The following MYT1L variants were observed in gnomAD, a reference collection of about 807,000 sequenced individuals.
The protein encoded by MYT1L is myelin transcription factor 1 like, also known as myelin transcription factor 1-like protein.
MYT1L carries 12 observed loss-of-function variants against 126.7 expected under a neutral mutation model. The ratio of observed to expected loss-of-function variants is 0.09; its 90% CI spans 0.06 to 0.15. The LOEUF is 0.15. Among genes scored for constraint, MYT1L ranks in the 10% least tolerant of loss-of-function variants. MYT1L has a pLI of 1.00. For synonymous variants in MYT1L, 541 were observed against 604.2 expected (o/e 0.90, Z 1.53); for missense variants, 979 against 1,585.2 (o/e 0.62, Z 6.49).
intron 4 of MYT1L, among the ~76,000 whole-genome samples, chr2:2,033,745 G>T (rs546982232): frequency 1.7e-4 from 26 of 152,284 alleles, no homozygotes; most frequent in Non-Finnish European, 2.9e-4. Flanking sequence ...ATCCCCAGCT[G>T]TTTTGTCCCC....
At chr2:2,202,581 G>T (rs1424528137) in intron 2 of MYT1L, among the ~76,000 whole-genome samples, 1 of 152,108 alleles carries the variant, frequency 6.6e-6, no homozygotes, top group Non-Finnish European at 1.5e-5. Flanking sequence ...GGAAGAAGTT[G>T]AATCTCTGAA....
intron 4 of MYT1L, among the ~76,000 whole-genome samples, chr2:2,034,063 T>G (rs1269714723): frequency 6.6e-6 from 1 of 152,172 alleles, no homozygotes; most frequent in Non-Finnish European, 1.5e-5. Flanking sequence ...CCAGACTAAG[T>G]AGCTTCGTTA....
At chr2:1,824,338 C>T (rs2038997988) in intron 21 of MYT1L, 1 of 152,250 alleles carries the variant, frequency 6.6e-6, no homozygotes, top group South Asian at 2.1e-4. Flanking sequence ...GGTGCTCTGT[C>T]CTCTGGGAAA....
intron 21 of MYT1L, chr2:1,825,722 G>A (rs2039217731): frequency 1.3e-5 from 2 of 152,144 alleles, no homozygotes; most frequent in South Asian, 2.1e-4. Context: ...AATTATAACA[G>A]GCTAAGTTTC....
chr2:2,178,180 T>C (rs907826410), intron 2 of MYT1L, among the ~76,000 whole-genome samples: 5 of 152,166 alleles, frequency 3.3e-5, no homozygotes, highest in Admixed American at 6.5e-5. Flanking sequence ...GATTTATCTA[T>C]TAGTATTTTC....
rs968964308 is a variant in MYT1L, at chr2:1,965,525, C to T, written c.152+13640G>A. ...CACTCTGTGACTTGCAAAAGATGAACGCTTTGTTTGGAGGAACCTGGAGTT... is the reference window on the plus strand; with the variant it reads ...CACTCTGTGACTTGCAAAAGATGAATGCTTTGTTTGGAGGAACCTGGAGTT... On this transcript the variant is annotated intron_variant, in intron 8 of 24. Transcript: ENST00000647738. 2.4e-4 allele frequency among the ~76,000 whole-genome samples: 36 copies of T among 152,350 alleles called. 1 individual carries two copies. Among genetic ancestry groups the T allele is most frequent in the Admixed American group, 1.4e-3 (21 of 15,308 alleles).
intron 21 of MYT1L, among the ~76,000 whole-genome samples, chr2:1,823,509 G>GC (rs2038857493): frequency 6.6e-6 from 1 of 152,222 alleles, no homozygotes; most frequent in Admixed American, 6.5e-5. Context: ...CCTCTGAGCA[G>GC]CTCCCCCAGG....
intron 3 of MYT1L, among the ~76,000 whole-genome samples, chr2:2,129,511 C>G (rs2082096590): frequency 6.6e-6 from 1 of 152,160 alleles, no homozygotes; most frequent in Non-Finnish European, 1.5e-5. Flanking sequence ...AGGCAGCTGT[C>G]CCCCCAGAGT....
chr2:2,295,194 T>G (rs1386423962), intron 1 of MYT1L, among the ~76,000 whole-genome samples: 3 of 152,074 alleles, frequency 2.0e-5, no homozygotes. Context: ...GGAGCCAGGA[T>G]CAGAGCTCTG....
intron 8 of MYT1L, among the ~76,000 whole-genome samples, chr2:1,970,789 C>G (rs969619469): frequency 3.9e-5 from 6 of 152,190 alleles, no homozygotes; most frequent in Non-Finnish European, 5.9e-5. Context: ...CAGACAACAG[C>G]TGTACTGCAC....
At chr2:2,162,854 C>T (rs1329135672) in intron 3 of MYT1L, among the ~76,000 whole-genome samples, 1 of 152,204 alleles carries the variant, frequency 6.6e-6, no homozygotes, top group African/African-American at 2.4e-5. Flanking sequence ...TTCTCTTGCT[C>T]TCAGGTGGCT....
chr2:1,892,885 C>T (rs570182618), intron 14 of MYT1L, among the ~76,000 whole-genome samples: 4 of 152,176 alleles, frequency 2.6e-5, no homozygotes, highest in Non-Finnish European at 5.9e-5. Context: ...GCATGCAGAC[C>T]AGATAGGGTG....
At chr2:1,980,907 T>C (rs1011502763) in intron 5 of MYT1L, among the ~76,000 whole-genome samples, 1 of 152,008 alleles carries the variant, frequency 6.6e-6, no homozygotes, top group African/African-American at 2.4e-5. Context: ...AGATGAGCAA[T>C]AGAAGCTGGC....
intron 2 of MYT1L, among the ~76,000 whole-genome samples, chr2:2,225,919 C>G (rs181896850): frequency 6.6e-6 from 1 of 152,080 alleles, no homozygotes; most frequent in Admixed American, 6.6e-5. Flanking sequence ...AAAACTGCCA[C>G]GAGTATAAGA....
At chr2:1,840,155 C>G (rs2148386978) in intron 20 of MYT1L, among the ~76,000 whole-genome samples, 1 of 152,304 alleles carries the variant, frequency 6.6e-6, no homozygotes, top group Non-Finnish European at 1.5e-5. Flanking sequence ...ATAATTTATG[C>G]TTTAATTCAT....
intron 3 of MYT1L, among the ~76,000 whole-genome samples, chr2:2,129,444 G>GA (rs975789685): frequency 4.6e-5 from 7 of 152,168 alleles, no homozygotes; most frequent in Admixed American, 2.6e-4. Context: ...GAAGAGCTTA[G>GA]AAAAAGTTCC....
chr2:2,304,096 G>A (rs192116208), intron 1 of MYT1L: 24 of 152,316 alleles, frequency 1.6e-4, no homozygotes, highest in Admixed American at 4.6e-4. Flanking sequence ...AAAGTGAGAC[G>A]CTATAGCTGT....
intron 5 of MYT1L, among the ~76,000 whole-genome samples, chr2:1,984,666 T>G (rs56070882): frequency 6.6e-6 from 1 of 151,816 alleles, no homozygotes; most frequent in Non-Finnish European, 1.5e-5. Context: ...CCCGCCACCA[T>G]GCCCGGCTAA....
rs1393059540 is a variant in MYT1L, at chr2:1,790,269, T to G, written c.*1598A>C. The G allele has an allele frequency of 2.0e-5, 3 of 152,196 alleles. No homozygotes were observed. The highest frequency in any genetic ancestry group is 7.2e-5 in the African/African-American group (3 of 41,442). The allele number at this position is 152,196 out of a possible 1,614,324, so 9.4% of individuals were successfully genotyped here. On this transcript the variant is annotated 3_prime_UTR_variant, in exon 25 of 25. Coordinates refer to ENST00000647738, the MANE Select transcript of MYT1L (RefSeq NM_001303052.2). ...CTTTTTTTTATTTCATAACAAAAAT[T>G]TAAAGTACGTCTGTACTTCCTGCAT...
Sources: allele counts gnomAD v4.1 joint callset (sites outside exome capture counted in the v4.1 genomes callset), GRCh38; gene constraint gnomAD v4.1.1; transcripts MANE v1.5; gene names NCBI Gene and HGNC (gene_info 2026-07-23, HGNC 2026-07-21).